The following JAK2 variants were observed in gnomAD, a reference collection of about 807,000 sequenced individuals.
JAK2 encodes Janus kinase 2.
Under a neutral mutation model 139.3 loss-of-function variants are expected in JAK2, and 86 were observed. The observed-to-expected ratio is 0.62, with a 90% CI of 0.52 to 0.74. The LOEUF (loss-of-function observed/expected upper bound fraction) is 0.74. JAK2 is among the 30% of genes least tolerant of loss of function. The pLI is 0.00. For synonymous variants in JAK2, 490 were observed against 437.7 expected (o/e 1.12, Z -1.49); for missense variants, 1,421 against 1,360.3 (o/e 1.04, Z -0.70).
intron 16 of JAK2, among the ~76,000 whole-genome samples, chr9:5,078,848 A>G (rs1819485539): frequency 6.6e-6 from 1 of 152,162 alleles, no homozygotes; most frequent in Non-Finnish European, 1.5e-5. Context: ...TAGTTTAATT[A>G]TCCAGCTAAT....
chr9:5,078,761 A>G (rs1438930795), intron 16 of JAK2, among the ~76,000 whole-genome samples: 2 of 152,142 alleles, frequency 1.3e-5, no homozygotes, highest in Non-Finnish European at 2.9e-5. Flanking sequence ...AATTTTCTAA[A>G]TATTCTTTTC....
chr9:5,108,114 C>T (rs1822122473), intron 22 of JAK2: 1 of 152,084 alleles, frequency 6.6e-6, no homozygotes, highest in Admixed American at 6.6e-5. Flanking sequence ...TGATGTCACC[C>T]CTCCTAATTT....
intron 11 of JAK2, 147 bp downstream of exon 11, chr9:5,069,355 T>A: frequency 1.9e-6 from 1 of 535,358 alleles, no homozygotes; most frequent in Non-Finnish European, 3.2e-6. Context: ...ACAAGCATCA[T>A]CAAATAAGAT....
intron 4 of JAK2, among the ~76,000 whole-genome samples, chr9:5,040,770 C>T (rs1383572602): frequency 2.0e-5 from 3 of 152,232 alleles, no homozygotes; most frequent in African/African-American, 7.2e-5. Flanking sequence ...AGGCGCCTTC[C>T]GCCCTTAACA....
chr9:5,087,215 G>T (rs540493596), intron 19 of JAK2, among the ~76,000 whole-genome samples: 1 of 152,174 alleles, frequency 6.6e-6, no homozygotes, highest in Non-Finnish European at 1.5e-5. Flanking sequence ...ACCCATGGCT[G>T]GGGAGGCCTC....
At chr9:5,010,995 C>G (rs1821665916) in intron 2 of JAK2, among the ~76,000 whole-genome samples, 1 of 152,128 alleles carries the variant, frequency 6.6e-6, no homozygotes, top group African/African-American at 2.4e-5. Flanking sequence ...GATGTCAGTT[C>G]TATTTCTTGT....
chr9:5,125,030 T>C (rs1013601079), intron 23 of JAK2, among the ~76,000 whole-genome samples: 7 of 151,434 alleles, frequency 4.6e-5, no homozygotes, highest in African/African-American at 9.7e-5. Flanking sequence ...CTAGGAATTA[T>C]TGCATAAGTT....
At chr9:5,034,758 T>A (rs183024454) in intron 4 of JAK2, among the ~76,000 whole-genome samples, 32 of 152,110 alleles carry the variant, frequency 2.1e-4, no homozygotes, top group African/African-American at 7.7e-4. Flanking sequence ...GGGAAATTTA[T>A]AGCACTAAAG....
chr9:5,121,992 AT>A (rs1321361925), intron 22 of JAK2, among the ~76,000 whole-genome samples: 2 of 152,178 alleles, frequency 1.3e-5, no homozygotes, highest in East Asian at 3.8e-4. Flanking sequence ...GATATGTAAA[AT>A]TTGTAAAGAC....
At chr9:5,005,353 G>T (rs951444450) in intron 2 of JAK2, among the ~76,000 whole-genome samples, 69 of 151,452 alleles carry the variant, frequency 4.6e-4, no homozygotes, top group African/African-American at 1.7e-3. Flanking sequence ...ATCTATTTTG[G>T]ATATTAACTC....
Position 5,022,088 on chromosome 9 carries a change from A to G in JAK2, c.101A>G (p.Gln34Arg), listed in dbSNP as rs1194311101. 6.2e-7 allele frequency: 1 copy of G among 1,613,844 alleles called. No homozygotes were observed. Among genetic ancestry groups the G allele is most frequent in the East Asian group, 2.2e-5 (1 of 44,890 alleles). The change falls in exon 3 of 25, where the codon CAA (glutamine) becomes CGA (arginine). Residue 34 changes from glutamine to arginine, a missense_variant. Physicochemically the swap from Gln to Arg is conservative, Grantham distance 43. Coordinates refer to ENST00000381652, the MANE Select transcript of JAK2 (RefSeq NM_004972.4). ...DISGNANSMK[Q>R]IDPVLQVYLY... ...TCTGGAAATGCCAATTCTATGAAGC[A>G]AATAGATCCAGTTCTTCAGGTGTAT...
intron 14 of JAK2, among the ~76,000 whole-genome samples, chr9:5,077,062 G>C (rs534067820): frequency 6.6e-6 from 1 of 151,812 alleles, no homozygotes; most frequent in Admixed American, 6.6e-5. Context: ...ATAGACAATT[G>C]TTAGTAATTT....
At chr9:5,105,207 A>C (rs572952877) in intron 22 of JAK2, among the ~76,000 whole-genome samples, 3 of 152,366 alleles carry the variant, frequency 2.0e-5, no homozygotes, top group Admixed American at 6.5e-5. Flanking sequence ...CAACTTCAGC[A>C]AAGTCTCAGG....
At chr9:5,081,664 CAG>C in intron 18 of JAK2, 59 bp from the exon 19 acceptor site, 1 of 1,184,530 alleles carries the variant, frequency 8.4e-7, no homozygotes, top group Non-Finnish European at 1.2e-6. Context: ...GAATGTATAT[CAG>C]TTTAGTCCAG....
At chr9:5,117,608 A>G (rs1054906663) in intron 22 of JAK2, among the ~76,000 whole-genome samples, 1 of 152,176 alleles carries the variant, frequency 6.6e-6, no homozygotes, top group African/African-American at 2.4e-5. Context: ...TTTATTTTGG[A>G]AATAGTTGTT....
intron 22 of JAK2, among the ~76,000 whole-genome samples, chr9:5,105,403 T>C (rs1179010762): frequency 1.3e-5 from 2 of 152,062 alleles, no homozygotes; most frequent in South Asian, 2.1e-4. Context: ...CACTGCTCAA[T>C]GAAATACAAG....
In JAK2 at chr9:5,030,855, AT is replaced by A. The variant is rs1467855000; in HGVS notation, c.350+955del. Among the ~76,000 whole-genome samples the A allele has an allele frequency of 4.6e-5, 7 of 152,238 alleles. No individual in the cohort carries two copies. The South Asian group carries it at 1.4e-3, about 32-fold the overall frequency. ...TAATTTGCACTGAGTTCAAAAAAATATTTTTTATATAATTATTGAAAAGACA... is the reference window on the plus strand; with the variant it reads ...TAATTTGCACTGAGTTCAAAAAAATATTTTTATATAATTATTGAAAAGACA... On this transcript the variant is annotated intron_variant, in intron 4 of 24. Coordinates refer to ENST00000381652, the MANE Select transcript of JAK2 (RefSeq NM_004972.4).
At chr9:5,095,285 C>A (rs1375141129) in intron 22 of JAK2, among the ~76,000 whole-genome samples, 1 of 151,850 alleles carries the variant, frequency 6.6e-6, no homozygotes, top group Non-Finnish European at 1.5e-5. Flanking sequence ...ACCCTCATCA[C>A]AATGCTACGC....
At chr9:5,082,379 T>C (rs181047122) in intron 19 of JAK2, among the ~76,000 whole-genome samples, 41 of 152,348 alleles carry the variant, frequency 2.7e-4, no homozygotes, top group African/African-American at 8.4e-4. Context: ...TATGCTTCTC[T>C]CCACCCAAAC....
Sources: allele counts gnomAD v4.1 joint callset (sites outside exome capture counted in the v4.1 genomes callset), GRCh38; gene constraint gnomAD v4.1.1; transcripts MANE v1.5; gene names NCBI Gene and HGNC (gene_info 2026-07-23, HGNC 2026-07-21).